Variants in RAI14 observed in about 807,000 individuals in gnomAD.
RAI14 encodes ankycorbin.
Under a neutral mutation model 115.4 loss-of-function variants are expected in RAI14, and 45 were observed. The ratio of observed to expected loss-of-function variants is 0.39; its 90% CI spans 0.31 to 0.50. The LOEUF (loss-of-function observed/expected upper bound fraction) is 0.50, where lower values mean the gene tolerates loss of function less well. Among genes scored for constraint, RAI14 ranks in the 20% least tolerant of loss-of-function variants. RAI14 has a pLI of 0.85. For synonymous variants in RAI14, 371 were observed against 415.4 expected, an observed-to-expected ratio of 0.89 and a Z score of 1.30; for missense variants, 939 against 1,131.2, an observed-to-expected ratio of 0.83 and a Z score of 2.44.
intron 3 of RAI14, among the ~76,000 whole-genome samples, chr5:34,776,563 T>G (rs1177185243): frequency 6.6e-6 from 1 of 152,108 alleles, no homozygotes; most frequent in Non-Finnish European, 1.5e-5. Context: ...CCCAGCACTT[T>G]GGAAGGCTGA....
chr5:34,675,060 C>A (rs992022827), intron 1 of RAI14, among the ~76,000 whole-genome samples: 1 of 152,126 alleles, frequency 6.6e-6, no homozygotes, highest in Non-Finnish European at 1.5e-5. Flanking sequence ...CCACACCCAG[C>A]TAATTTTTGT....
chr5:34,775,694 C>G (rs1264365681), intron 3 of RAI14, among the ~76,000 whole-genome samples: 8 of 152,152 alleles, frequency 5.3e-5, no homozygotes, highest in Non-Finnish European at 1.0e-4. Context: ...CAGATCAAAA[C>G]TACAATGAGC....
intron 3 of RAI14, among the ~76,000 whole-genome samples, chr5:34,785,571 T>C (rs1301480172): frequency 1.3e-5 from 2 of 152,160 alleles, no homozygotes; most frequent in African/African-American, 4.8e-5. Context: ...CTATGTTAAA[T>C]TGAATGGGTT....
chr5:34,765,677 A>G (rs1047794771), intron 3 of RAI14, among the ~76,000 whole-genome samples: 1 of 152,234 alleles, frequency 6.6e-6, no homozygotes, highest in Non-Finnish European at 1.5e-5. Context: ...CAGCCTGACT[A>G]TTAGATAGAA....
chr5:34,774,020 T>C (rs1207141794), intron 3 of RAI14, among the ~76,000 whole-genome samples: 2 of 152,048 alleles, frequency 1.3e-5, no homozygotes, highest in African/African-American at 4.8e-5. Context: ...TGATTTTATA[T>C]TGGAAAAAAA....
At chr5:34,667,646 G>C (rs1743320793) in intron 1 of RAI14, among the ~76,000 whole-genome samples, 1 of 152,012 alleles carries the variant, frequency 6.6e-6, no homozygotes, top group South Asian at 2.1e-4. Flanking sequence ...GAATTTCCTT[G>C]GGCTACTTTT....
intron 12 of RAI14, among the ~76,000 whole-genome samples, chr5:34,815,160 A>G (rs1353360322): frequency 6.6e-6 from 1 of 152,156 alleles, no homozygotes; most frequent in Non-Finnish European, 1.5e-5. Flanking sequence ...AGGCAGGTGG[A>G]TCACGAGGTC....
At chr5:34,670,113 G>C (rs997954509) in intron 1 of RAI14, among the ~76,000 whole-genome samples, 1 of 152,198 alleles carries the variant, frequency 6.6e-6, no homozygotes, top group Non-Finnish European at 1.5e-5. Flanking sequence ...TTGCAAATTG[G>C]TCCATTCGTA....
chr5:34,761,789 C>T (rs567508186), intron 3 of RAI14, among the ~76,000 whole-genome samples: 8 of 152,158 alleles, frequency 5.3e-5, no homozygotes, highest in South Asian at 2.1e-4. Context: ...CCATTATATT[C>T]GATTATTTTA....
At chr5:34,705,414 A>G (rs1740592551) in intron 2 of RAI14, among the ~76,000 whole-genome samples, 2 of 152,118 alleles carry the variant, frequency 1.3e-5, no homozygotes, top group Non-Finnish European at 2.9e-5. Flanking sequence ...AATTAATTTC[A>G]CCAGCTTATT....
At chr5:34,682,051 C>T (rs1460576376) in intron 1 of RAI14, among the ~76,000 whole-genome samples, 1 of 151,976 alleles carries the variant, frequency 6.6e-6, no homozygotes, top group African/African-American at 2.4e-5. Flanking sequence ...GACAGGGTTT[C>T]ACCATGTTGG....
Position 34,808,584 on chromosome 5 carries a change from C to T in RAI14, c.380C>T (p.Ala127Val), listed in dbSNP as rs530991014. The T allele has an allele frequency of 2.4e-5, 39 of 1,614,028 alleles. No homozygotes were observed. The highest frequency in any genetic ancestry group is 1.4e-4 in the South Asian group (13 of 91,064). Residue 127 changes from alanine (A) to valine (V), a missense_variant and splice_region_variant, in exon 7 of 18, where the codon GCG (alanine) becomes GTG (valine). Coordinates refer to ENST00000265109, the MANE Select transcript of RAI14 (RefSeq NM_015577.3). ...SSGKTALHYAAAQGCLQAVQI... is the reference protein window; with the variant it reads ...SSGKTALHYAVAQGCLQAVQI... The stretch of plus-strand genomic sequence containing the variant: ...GGTATTTATATTTTCCTTCCCCCAG[C>T]GGCTCAGGGCTGCCTTCAAGCTGTG...
chr5:34,777,942 G>A (rs1050811621), intron 3 of RAI14, among the ~76,000 whole-genome samples: 1 of 152,148 alleles, frequency 6.6e-6, no homozygotes, highest in African/African-American at 2.4e-5. Flanking sequence ...CTATTAGATA[G>A]ACTAGGGTGA....
intron 4 of RAI14, among the ~76,000 whole-genome samples, chr5:34,802,417 T>C (rs935997334): frequency 2.0e-5 from 3 of 152,194 alleles, no homozygotes; most frequent in African/African-American, 7.2e-5. Context: ...ACAGGTGTTA[T>C]ATTATGTCAA....
chr5:34,677,059 A>G (rs6892060), intron 1 of RAI14, among the ~76,000 whole-genome samples: 60,273 of 152,052 alleles, frequency 0.4, 13,743 homozygotes, highest in South Asian at 0.64. Context: ...GATTTATAAG[A>G]TAGTAATCAT....
chr5:34,716,990 A>G (rs1742077774), intron 2 of RAI14: 1 of 152,154 alleles, frequency 6.6e-6, no homozygotes, highest in Admixed American at 6.5e-5. Flanking sequence ...CTTCTTTATT[A>G]TGGTCAGGAG....
intron 3 of RAI14, among the ~76,000 whole-genome samples, chr5:34,780,442 A>G (rs1308910976): frequency 6.6e-6 from 1 of 152,228 alleles, no homozygotes; most frequent in Non-Finnish European, 1.5e-5. Context: ...GGTAACCTAC[A>G]GAATGGGAAA....
intron 14 of RAI14, among the ~76,000 whole-genome samples, chr5:34,822,273 T>TATATATAAAA (rs1444000889): frequency 1.4e-5 from 2 of 146,270 alleles, no homozygotes; most frequent in African/African-American, 5.0e-5. Context: ...TATATATATA[T>TATATATAAAA]AAAATATTAT....
intron 3 of RAI14, among the ~76,000 whole-genome samples, chr5:34,774,129 G>C (rs1284795853): frequency 6.6e-6 from 1 of 151,922 alleles, no homozygotes; most frequent in African/African-American, 2.4e-5. Context: ...GAGGTGGGCA[G>C]ATCATTTGAG....
Sources: gnomAD v4.1 joint callset for allele counts (sites outside exome capture counted in the v4.1 genomes callset) on GRCh38, gnomAD v4.1.1 for gene constraint, MANE v1.5 for transcripts, NCBI Gene and HGNC (gene_info 2026-07-23, HGNC 2026-07-21) for gene names.